Variants in MSH3 observed in about 807,000 individuals in gnomAD.
MSH3 encodes mutS homolog 3.
Under a neutral mutation model 123.3 loss-of-function variants are expected in MSH3, and 106 were observed. That is an observed-to-expected ratio of 0.86 (90% CI 0.73 to 1.01). The LOEUF (loss-of-function observed/expected upper bound fraction) is 1.01. MSH3 is among the 50% of genes least tolerant of loss of function. The pLI is 0.00. For synonymous variants in MSH3, 515 were observed against 481.4 expected, an observed-to-expected ratio of 1.07 and a Z score of -0.91; for missense variants, 1,459 against 1,347.6, an observed-to-expected ratio of 1.08 and a Z score of -1.29.
chr5:80,702,427 C>T (rs1750632675), intron 8 of MSH3, among the ~76,000 whole-genome samples: 1 of 152,154 alleles, frequency 6.6e-6, no homozygotes, highest in Admixed American at 6.5e-5. Context: ...AGCATGACCA[C>T]ACCACAGGGT....
intron 13 of MSH3, among the ~76,000 whole-genome samples, chr5:80,766,466 A>C (rs1434628163): frequency 2.8e-5 from 4 of 142,744 alleles, no homozygotes; most frequent in African/African-American, 1.1e-4. Context: ...CTGCCTCGCC[A>C]CCTGAGTCAC....
At chr5:80,847,793 A>G (rs986716156) in intron 20 of MSH3, among the ~76,000 whole-genome samples, 3 of 152,116 alleles carry the variant, frequency 2.0e-5, no homozygotes, top group Non-Finnish European at 4.4e-5. Flanking sequence ...TGTTGTTTGT[A>G]TCTTTTGCAC....
At chr5:80,757,451 C>T (rs1290896743) in intron 12 of MSH3, among the ~76,000 whole-genome samples, 1 of 152,128 alleles carries the variant, frequency 6.6e-6, no homozygotes, top group Admixed American at 6.5e-5. Flanking sequence ...TTCTGAGTGA[C>T]AGCCACACAT....
In MSH3 at chr5:80,864,953, T is replaced by C. The variant is rs751778421; in HGVS notation, c.3130+11T>C. The C allele has an allele frequency of 3.1e-6, 5 of 1,613,444 alleles. No homozygotes were observed. The African/African-American group carries it at 6.7e-5, about 22-fold the overall frequency. On this transcript the variant is annotated intron_variant, in intron 22 of 23. Coordinates refer to ENST00000265081, the MANE Select transcript of MSH3 (RefSeq NM_002439.5). The stretch of plus-strand genomic sequence containing the variant: ...GCAAACTGGATCCAGGTATGAAATA[T>C]TCCTGCAGTTGGTACAAATATTGGT...
intron 20 of MSH3, among the ~76,000 whole-genome samples, chr5:80,839,582 T>C (rs1745580779): frequency 6.6e-6 from 1 of 152,204 alleles, no homozygotes; most frequent in African/African-American, 2.4e-5. Flanking sequence ...GTTGTTTTCA[T>C]TTAATGTCCA....
chr5:80,712,491 A>G (rs1580579228), intron 8 of MSH3, among the ~76,000 whole-genome samples: 1 of 152,078 alleles, frequency 6.6e-6, no homozygotes. Context: ...TTCACCTAAT[A>G]TATACCTCTA....
At chr5:80,744,402 C>T (rs1743676158) in intron 11 of MSH3, 104 bp from the exon 12 acceptor site, 8 of 787,002 alleles carry the variant, frequency 1.0e-5, no homozygotes, top group Non-Finnish European at 1.7e-5. Flanking sequence ...TTATGAGCCA[C>T]ATTGTGCTAG....
chr5:80,696,652 C>T (rs1259513799), intron 8 of MSH3, among the ~76,000 whole-genome samples: 3 of 152,142 alleles, frequency 2.0e-5, no homozygotes, highest in Non-Finnish European at 4.4e-5. Flanking sequence ...GTTTGTTTGA[C>T]ATGTAATATG....
chr5:80,713,450 G>C (rs1750895941), intron 8 of MSH3, among the ~76,000 whole-genome samples: 1 of 152,116 alleles, frequency 6.6e-6, no homozygotes, highest in South Asian at 2.1e-4. Context: ...AGACCGAGAT[G>C]ACTGTCTTGT....
At chr5:80,807,648 T>C (rs529371098) in intron 19 of MSH3, among the ~76,000 whole-genome samples, 2 of 152,374 alleles carry the variant, frequency 1.3e-5, no homozygotes, top group East Asian at 1.9e-4. Context: ...ACCTGCCTTA[T>C]GAATTTTTAC....
At chr5:80,677,707 A>G (rs1749873657) in intron 7 of MSH3, among the ~76,000 whole-genome samples, 2 of 152,212 alleles carry the variant, frequency 1.3e-5, no homozygotes. Flanking sequence ...TGGAGCTTCT[A>G]GTTCCAGCCT....
intron 21 of MSH3, among the ~76,000 whole-genome samples, chr5:80,859,128 T>C (rs916681215): frequency 1.3e-4 from 20 of 151,978 alleles, no homozygotes; most frequent in African/African-American, 4.4e-4. Context: ...TCCATATATA[T>C]ATATATATTT....
At chr5:80,811,700 C>CAAATGTAAT (rs1273424183) in intron 19 of MSH3, among the ~76,000 whole-genome samples, 1 of 151,934 alleles carries the variant, frequency 6.6e-6, no homozygotes, top group Non-Finnish European at 1.5e-5. Context: ...AGGGCTTTTA[C>CAAATGTAAT]AAATGTAATA....
chr5:80,738,170 T>C (rs1257697733), intron 10 of MSH3, among the ~76,000 whole-genome samples: 6 of 152,194 alleles, frequency 3.9e-5, no homozygotes, highest in Admixed American at 1.3e-4. Flanking sequence ...AGTTACTGGT[T>C]TCCTTTTGAT....
At chr5:80,854,036 A>T in intron 20 of MSH3, 94 bp from the exon 21 acceptor site, 1 of 1,000,904 alleles carries the variant, frequency 1.0e-6, no homozygotes, top group Non-Finnish European at 1.5e-6. Flanking sequence ...ATAGATTCTT[A>T]GTGATCTTTT....
intron 12 of MSH3, among the ~76,000 whole-genome samples, chr5:80,760,738 G>C (rs1370663299): frequency 1.3e-5 from 2 of 152,188 alleles, no homozygotes; most frequent in African/African-American, 4.8e-5. Flanking sequence ...TGGATTTTCT[G>C]CTCCACTGTG....
At chr5:80,819,354 GTA>G (rs1390527545) in intron 20 of MSH3, among the ~76,000 whole-genome samples, 2 of 131,972 alleles carry the variant, frequency 1.5e-5, no homozygotes, top group Non-Finnish European at 3.1e-5. Flanking sequence ...GTATATATAT[GTA>G]TATATATGTG....
chr5:80,719,771 A>C (rs1007068784), intron 8 of MSH3, among the ~76,000 whole-genome samples: 2 of 152,258 alleles, frequency 1.3e-5, no homozygotes, highest in Admixed American at 6.5e-5. Context: ...TCTCCAAACA[A>C]ATATGTATTA....
At chr5:80,696,036 C>T (rs760338922) in intron 8 of MSH3, among the ~76,000 whole-genome samples, 39 of 152,104 alleles carry the variant, frequency 2.6e-4, no homozygotes, top group Non-Finnish European at 4.9e-4. Context: ...GCTTGGTTTC[C>T]GTTGAAACCC....
Sources: allele counts gnomAD v4.1 joint callset (sites outside exome capture counted in the v4.1 genomes callset), GRCh38; gene constraint gnomAD v4.1.1; transcripts MANE v1.5; gene names NCBI Gene and HGNC (gene_info 2026-07-23, HGNC 2026-07-21).